PRKCI: variants seen among roughly 807,000 people sequenced by gnomAD.
PRKCI encodes protein kinase C iota type.
PRKCI carries 43 observed loss-of-function variants against 84.0 expected under a neutral mutation model. That is an observed-to-expected ratio of 0.51 (90% CI 0.40 to 0.66). The LOEUF (loss-of-function observed/expected upper bound fraction) is 0.66, where lower values mean the gene tolerates loss of function less well. Among genes scored for constraint, PRKCI ranks in the 30% least tolerant of loss-of-function variants. The pLI is 0.00. For missense variants in PRKCI, 459 were observed against 745.6 expected (o/e 0.62, Z 4.48); for synonymous variants, 216 against 234.4 (o/e 0.92, Z 0.72).
rs545430768 is a variant in PRKCI, at chr3:170,230,165, C to CTT, written c.102-5048_102-5047dup. On this transcript the variant is annotated intron_variant, in intron 1 of 17. Transcript: ENST00000295797. ...ATTCTATTTTTCTTCTATTATGCAA[C>CTT]TTTTTTTTTTTTTTTTTTGAGACAG... is the stretch of plus-strand genomic sequence containing the variant. 4.6e-3 allele frequency among the ~76,000 whole-genome samples: 617 copies of CTT among 134,876 alleles called. 12 individuals are homozygous for CTT. Among genetic ancestry groups the CTT allele is most frequent in the African/African-American group, 0.016 (594 of 36,718 alleles). The allele number at this position is 134,876 out of a possible 152,430, so 88.5% of individuals were successfully genotyped here.
At chr3:170,302,949 C>A in intron 17 of PRKCI, 91 bp from the exon 18 acceptor site, 1 of 834,414 alleles carries the variant, frequency 1.2e-6, no homozygotes, top group Non-Finnish European at 1.8e-6. Flanking sequence ...GTACAATTAG[C>A]CTAATTACTT....
chr3:170,289,851 G>T (rs1271831098), intron 12 of PRKCI, among the ~76,000 whole-genome samples: 1 of 152,082 alleles, frequency 6.6e-6, no homozygotes, highest in Non-Finnish European at 1.5e-5. Flanking sequence ...GGCAGAGGTT[G>T]CAGTGAGCCG....
chr3:170,294,119 A>G (rs952238835), intron 14 of PRKCI, among the ~76,000 whole-genome samples: 6 of 152,216 alleles, frequency 3.9e-5, no homozygotes, highest in African/African-American at 1.2e-4. Context: ...GATTGGAGAA[A>G]GGAATCCTGT....
rs1261137672 is a variant in PRKCI, at chr3:170,304,755, A to G, written c.*1628A>G. 1 of 152,204 alleles carries G rather than the reference A, an allele frequency of 6.6e-6. No homozygotes were observed. Among genetic ancestry groups the G allele is most frequent in the Non-Finnish European group, 1.5e-5 (1 of 68,026 alleles). 9.4% of individuals were successfully genotyped at this position (152,204 alleles called of 1,614,324 possible). A position where few individuals can be genotyped will look rare whatever the true frequency, so the allele number is the denominator to read the frequency against. On this transcript the variant is annotated 3_prime_UTR_variant, in exon 18 of 18. Transcript: ENST00000295797. Reference sequence around the variant, plus strand: ...CATCCTTCTGTTGTTTATTTTAAATATATTTTTAATGAAAAGGGACTTAAA... The same window carrying G: ...CATCCTTCTGTTGTTTATTTTAAATGTATTTTTAATGAAAAGGGACTTAAA...
intron 1 of PRKCI, among the ~76,000 whole-genome samples, chr3:170,225,459 TA>T (rs1229642058): frequency 2.6e-5 from 4 of 152,240 alleles, no homozygotes; most frequent in Non-Finnish European, 5.9e-5. Context: ...ATCCTTCCTT[TA>T]TACCAAGAAA....
At chr3:170,222,908 G>A (rs967875036) in intron 1 of PRKCI, 138 bp downstream of exon 1, 1 of 707,150 alleles carries the variant, frequency 1.4e-6, no homozygotes, top group Non-Finnish European at 2.3e-6. Context: ...GACTCAGGGT[G>A]AGTGACGAAG....
rs542217260 is a variant in PRKCI at position 170,280,524 on chromosome 3, C to T, written c.882+121C>T. On this transcript the variant is annotated intron_variant, in intron 9 of 17. Transcript: ENST00000295797. The stretch of plus-strand genomic sequence containing the variant: ...GTGCTAGTGGTGCAATCTTGGCTCA[C>T]TGCAACCTCTGCCTCCCAGGTTCAA... 7.9e-5 allele frequency: 65 copies of T among 824,536 alleles called. No individual in the cohort carries two copies. The African/African-American group carries it at 8.0e-4, about 10-fold the overall frequency. The allele number at this position is 824,536 out of a possible 1,614,324, so 51.1% of individuals were successfully genotyped here.
At chr3:170,274,692 A>G (rs1734074382) in intron 7 of PRKCI, among the ~76,000 whole-genome samples, 1 of 152,160 alleles carries the variant, frequency 6.6e-6, no homozygotes, top group Non-Finnish European at 1.5e-5. Context: ...TAGTCATAGA[A>G]TGATCAACTC....
At chr3:170,252,411 A>G (rs937958445) in intron 2 of PRKCI, among the ~76,000 whole-genome samples, 1 of 152,180 alleles carries the variant, frequency 6.6e-6, no homozygotes, top group African/African-American at 2.4e-5. Flanking sequence ...ATTTTGATGC[A>G]GGCATACAGT....
At chr3:170,296,026 CTCTT>C (rs756882679) in intron 15 of PRKCI, 36 bp downstream of exon 15, 1 of 1,275,296 alleles carries the variant, frequency 7.8e-7, no homozygotes, top group Admixed American at 2.1e-5. Context: ...TGTGATTTGT[CTCTT>C]TCTATATATA....
At chr3:170,235,539 C>T (rs116076179) in intron 2 of PRKCI, among the ~76,000 whole-genome samples, 188 bp downstream of exon 2, 1,854 of 150,676 alleles carry the variant, frequency 0.012, 17 homozygotes, top group Non-Finnish European at 0.021. Flanking sequence ...GCCCCTTTTA[C>T]GCCAAAATGA....
At chr3:170,293,620 T>C (rs1049270397) in intron 14 of PRKCI, 112 bp downstream of exon 14, 168 of 1,219,218 alleles carry the variant, frequency 1.4e-4, no homozygotes, top group Middle Eastern at 2.2e-4. Context: ...ATCTGGAAAA[T>C]ATAATCCTGA....
At chr3:170,284,093 G>A (rs1415050903) in intron 11 of PRKCI, among the ~76,000 whole-genome samples, 5 of 152,000 alleles carry the variant, frequency 3.3e-5, no homozygotes, top group African/African-American at 1.2e-4. Flanking sequence ...GGGTCCCTTA[G>A]AGAAGTGATG....
chr3:170,296,057 C>T lies in PRKCI; in HGVS notation c.1497+67C>T, dbSNP rs748574044. 69 of 922,980 alleles carry T rather than the reference C, an allele frequency of 7.5e-5. No homozygotes were observed. In the African/African-American group the frequency reaches 9.9e-4, roughly 13 times the overall value. 57.2% of individuals were successfully genotyped at this position (922,980 alleles called of 1,614,324 possible). On this transcript the variant is annotated intron_variant, in intron 15 of 17. Coordinates refer to ENST00000295797, the MANE Select transcript of PRKCI (RefSeq NM_002740.6). ...CTATATATATCAAACTGGTCAGTAG[C>T]GGTTTGGGAAATGTAAAATTCCAAA... is the stretch of plus-strand genomic sequence containing the variant.
intron 1 of PRKCI, among the ~76,000 whole-genome samples, chr3:170,233,143 A>G (rs1164066692): frequency 6.6e-6 from 1 of 151,602 alleles, no homozygotes; most frequent in East Asian, 1.9e-4. Context: ...GTTATTGCAA[A>G]TAAAAGTATT....
At chr3:170,287,134 A>T (rs1273708554) in intron 12 of PRKCI, among the ~76,000 whole-genome samples, 1 of 152,006 alleles carries the variant, frequency 6.6e-6, no homozygotes, top group Non-Finnish European at 1.5e-5. Flanking sequence ...CAGAAGTTCG[A>T]CACCAGCCTG....
chr3:170,280,451 T>A, intron 9 of PRKCI, 48 bp downstream of exon 9: 1 of 1,475,426 alleles, frequency 6.8e-7, no homozygotes. Flanking sequence ...AGAATACTAT[T>A]CTTTTTTTTT....
intron 8 of PRKCI, among the ~76,000 whole-genome samples, chr3:170,277,478 G>A (rs1345799338): frequency 5.9e-5 from 9 of 152,062 alleles, no homozygotes; most frequent in Non-Finnish European, 1.2e-4. Flanking sequence ...AGGCTAAGGC[G>A]GAAGGATTGA....
chr3:170,259,551 A>G (rs558595380), intron 2 of PRKCI, among the ~76,000 whole-genome samples: 2 of 152,288 alleles, frequency 1.3e-5, no homozygotes, highest in African/African-American at 2.4e-5. Flanking sequence ...CTTCACGCCT[A>G]TAATCCCAGC....
Sources: allele counts gnomAD v4.1 joint callset (sites outside exome capture counted in the v4.1 genomes callset), GRCh38; gene constraint gnomAD v4.1.1; transcripts MANE v1.5; gene names NCBI Gene and HGNC (gene_info 2026-07-23, HGNC 2026-07-21).